The following CRADD variants were observed in gnomAD, a reference collection of about 807,000 sequenced individuals.
CRADD encodes the protein death domain-containing protein CRADD.
A neutral mutation model predicts 15.5 loss-of-function variants in CRADD; 9 were observed. The observed-to-expected ratio is 0.58, with a 90% CI of 0.35 to 1.01. The LOEUF (loss-of-function observed/expected upper bound fraction) is 1.01, where lower values mean the gene tolerates loss of function less well. Among genes scored for constraint, CRADD ranks in the 50% least tolerant of loss-of-function variants. The pLI, the probability that CRADD is intolerant of heterozygous loss-of-function variation, is 0.02. For missense variants in CRADD, 227 were observed against 250.3 expected (o/e 0.91, Z 0.63); for synonymous variants, 118 against 107.6 (o/e 1.10, Z -0.60).
chr12:93,702,599 G>A (rs1955862414), intron 2 of CRADD, among the ~76,000 whole-genome samples: 1 of 150,988 alleles, frequency 6.6e-6, no homozygotes, highest in Non-Finnish European at 1.5e-5. Flanking sequence ...GAGATATAAT[G>A]CTCTAAACTC....
chr12:93,855,964 C>T (rs565887534), intron 2 of CRADD, among the ~76,000 whole-genome samples: 7 of 152,212 alleles, frequency 4.6e-5, no homozygotes, highest in African/African-American at 1.4e-4. Context: ...GGTGCCACCA[C>T]GCCCAGCTAA....
At chr12:93,829,631 G>A (rs1957867232) in intron 2 of CRADD, among the ~76,000 whole-genome samples, 1 of 152,104 alleles carries the variant, frequency 6.6e-6, no homozygotes, top group Admixed American at 6.5e-5. Flanking sequence ...CTGATGGATG[G>A]GCTCTTTTAT....
chr12:93,714,564 T>G (rs753078183), intron 2 of CRADD: 2 of 152,244 alleles, frequency 1.3e-5, no homozygotes, highest in Non-Finnish European at 2.9e-5. Context: ...GAGATTTATT[T>G]TAATCCTGTA....
chr12:93,888,099 T>C (rs1025810478), intron 2 of CRADD, among the ~76,000 whole-genome samples: 7 of 152,090 alleles, frequency 4.6e-5, no homozygotes, highest in African/African-American at 1.7e-4. Context: ...TTTGGGGAAC[T>C]GAAAGAGATT....
chr12:93,727,960 C>T (rs1956398745), intron 2 of CRADD, among the ~76,000 whole-genome samples: 1 of 152,200 alleles, frequency 6.6e-6, no homozygotes, highest in African/African-American at 2.4e-5. Context: ...TGGAGGTAGA[C>T]TGTGTTTTTC....
intron 2 of CRADD, among the ~76,000 whole-genome samples, chr12:93,863,596 T>TG (rs1555230280): frequency 8.0e-6 from 1 of 124,850 alleles, no homozygotes; most frequent in East Asian, 2.5e-4. Flanking sequence ...GTGGAGGCAT[T>TG]TGTGTGTGTG....
At chr12:93,725,139 C>T (rs1033983281) in intron 2 of CRADD, among the ~76,000 whole-genome samples, 1 of 152,146 alleles carries the variant, frequency 6.6e-6, no homozygotes, top group Non-Finnish European at 1.5e-5. Context: ...GGATTACAGG[C>T]GTGAGCCACC....
intron 2 of CRADD, among the ~76,000 whole-genome samples, chr12:93,881,867 C>T (rs1216916539): frequency 6.6e-6 from 1 of 152,118 alleles, no homozygotes; most frequent in Non-Finnish European, 1.5e-5. Context: ...GGCTTACCAC[C>T]TGTAATCCCA....
chr12:93,826,306 TAA>T (rs1225747021), intron 2 of CRADD, among the ~76,000 whole-genome samples: 1 of 152,230 alleles, frequency 6.6e-6, no homozygotes, highest in Non-Finnish European at 1.5e-5. Flanking sequence ...TATGTGAGAT[TAA>T]CTGCATTATA....
At chr12:93,835,437 C>T (rs1957962603) in intron 2 of CRADD, among the ~76,000 whole-genome samples, 1 of 152,064 alleles carries the variant, frequency 6.6e-6, no homozygotes, top group Non-Finnish European at 1.5e-5. Context: ...GTTTCATATT[C>T]ATTTTTTGTA....
At chr12:93,805,774 G>A (rs1349587306) in intron 2 of CRADD, among the ~76,000 whole-genome samples, 1 of 152,118 alleles carries the variant, frequency 6.6e-6, no homozygotes, top group Non-Finnish European at 1.5e-5. Context: ...CCATGCAGCA[G>A]CCTGCTTGTC....
intron 2 of CRADD, among the ~76,000 whole-genome samples, chr12:93,843,454 A>G (rs1351850255): frequency 4.3e-5 from 6 of 140,880 alleles, no homozygotes; most frequent in Non-Finnish European, 9.0e-5. Flanking sequence ...GATCTCGCTC[A>G]CTGCAACCTC....
intron 2 of CRADD, among the ~76,000 whole-genome samples, chr12:93,839,134 T>C (rs1334490655): frequency 1.3e-5 from 2 of 152,182 alleles, no homozygotes; most frequent in Non-Finnish European, 2.9e-5. Flanking sequence ...CATTTTTTGC[T>C]CTCCACTGCA....
chr12:93,838,759 C>T (rs567391225), intron 2 of CRADD, among the ~76,000 whole-genome samples: 1 of 151,490 alleles, frequency 6.6e-6, no homozygotes, highest in Non-Finnish European at 1.5e-5. Context: ...GACATACATT[C>T]TTTTTTGTTT....
At chr12:93,698,667 T>A (rs1212544232) in intron 2 of CRADD, among the ~76,000 whole-genome samples, 1 of 152,220 alleles carries the variant, frequency 6.6e-6, no homozygotes, top group Non-Finnish European at 1.5e-5. Context: ...TCTTTTCTCT[T>A]CATTGTTTTT....
At chr12:93,745,152 G>A (rs1349870595) in intron 2 of CRADD, among the ~76,000 whole-genome samples, 1 of 152,118 alleles carries the variant, frequency 6.6e-6, no homozygotes, top group Non-Finnish European at 1.5e-5. Flanking sequence ...AATTCTTAAA[G>A]CTTGTGGTGA....
chr12:93,795,930 ATCT>A (rs983573535), intron 2 of CRADD, among the ~76,000 whole-genome samples: 45 of 152,330 alleles, frequency 3.0e-4, no homozygotes, highest in African/African-American at 1.1e-3. Context: ...ACAATTTCTA[ATCT>A]TCTCAGAGGA....
intron 2 of CRADD, among the ~76,000 whole-genome samples, chr12:93,719,053 C>G (rs955395731): frequency 1.3e-5 from 2 of 152,132 alleles, no homozygotes; most frequent in African/African-American, 2.4e-5. Flanking sequence ...GGTCACTGTG[C>G]CTGGCTGACT....
chr12:93,892,405 C>G (rs192859791), intron 2 of CRADD, among the ~76,000 whole-genome samples: 3 of 152,250 alleles, frequency 2.0e-5, no homozygotes, highest in African/African-American at 7.2e-5. Flanking sequence ...GATCTCACCC[C>G]GATCCCAGCC....
Sources: gnomAD v4.1 joint callset for allele counts (sites outside exome capture counted in the v4.1 genomes callset) on GRCh38, gnomAD v4.1.1 for gene constraint, MANE v1.5 for transcripts, NCBI Gene and HGNC (gene_info 2026-07-23, HGNC 2026-07-21) for gene names.